Variants in PCED1B observed in about 807,000 individuals in gnomAD.
The protein encoded by PCED1B is PC-esterase domain-containing protein 1B.
For missense variants in PCED1B, 573 were observed against 573.9 expected, an observed-to-expected ratio of 1.00 and a Z score of 0.02; for synonymous variants, 251 against 246.1, an observed-to-expected ratio of 1.02 and a Z score of -0.19.
At chr12:47,233,290 C>T (rs570164585) in intron 3 of PCED1B, among the ~76,000 whole-genome samples, 121 of 152,180 alleles carry the variant, frequency 8.0e-4, no homozygotes, top group African/African-American at 2.7e-3. Flanking sequence ...TTCAGGTGTC[C>T]GCCACCACGC....
chr12:47,155,643 A>G (rs565859687), intron 2 of PCED1B, among the ~76,000 whole-genome samples: 19 of 152,326 alleles, frequency 1.2e-4, no homozygotes, highest in African/African-American at 4.6e-4. Flanking sequence ...ACAAGGCAGG[A>G]AGTTGAGCTC....
chr12:47,225,902 A>G (rs913647513), intron 3 of PCED1B, among the ~76,000 whole-genome samples: 2 of 152,238 alleles, frequency 1.3e-5, no homozygotes, highest in African/African-American at 4.8e-5. Context: ...AAGAAAAGAA[A>G]AATCAACATA....
At chr12:47,101,152 A>G (rs1938689857) in intron 1 of PCED1B, among the ~76,000 whole-genome samples, 1 of 152,082 alleles carries the variant, frequency 6.6e-6, no homozygotes, top group African/African-American at 2.4e-5. Flanking sequence ...TAAATATATC[A>G]CCTAGGATAC....
chr12:47,118,212 A>G (rs1441662622), intron 2 of PCED1B, among the ~76,000 whole-genome samples: 2 of 152,138 alleles, frequency 1.3e-5, no homozygotes, highest in African/African-American at 2.4e-5. Context: ...CCATTTGTCA[A>G]TTTTGGCTTT....
chr12:47,154,034 G>C (rs149505010), intron 2 of PCED1B, among the ~76,000 whole-genome samples: 16 of 152,258 alleles, frequency 1.1e-4, no homozygotes, highest in Admixed American at 3.9e-4. Flanking sequence ...TGCATTTAAC[G>C]TATTACATCA....
chr12:47,151,048 A>G (rs1389687892), intron 2 of PCED1B, among the ~76,000 whole-genome samples: 2 of 151,980 alleles, frequency 1.3e-5, no homozygotes, highest in Non-Finnish European at 2.9e-5. Flanking sequence ...TAGTATTTTG[A>G]CTGTATACTG....
At chr12:47,082,799 G>A (rs1419872912) in intron 1 of PCED1B, among the ~76,000 whole-genome samples, 2 of 152,064 alleles carry the variant, frequency 1.3e-5, no homozygotes, top group South Asian at 2.1e-4. Flanking sequence ...GAAGAGAGAC[G>A]TTTCTGCCAG....
intron 1 of PCED1B, among the ~76,000 whole-genome samples, chr12:47,089,680 A>G (rs1483138320): frequency 1.3e-5 from 2 of 151,668 alleles, no homozygotes; most frequent in Non-Finnish European, 2.9e-5. Context: ...CATTGTCACA[A>G]GAGAGATACG....
At chr12:47,179,981 T>C (rs1391561785) in intron 2 of PCED1B, among the ~76,000 whole-genome samples, 3 of 152,190 alleles carry the variant, frequency 2.0e-5, no homozygotes, top group African/African-American at 7.2e-5. Context: ...GTGCAGGATG[T>C]GCAGGTTTGT....
chr12:47,113,974 A>G (rs549296615), intron 2 of PCED1B, among the ~76,000 whole-genome samples: 245 of 151,730 alleles, frequency 1.6e-3, no homozygotes, highest in African/African-American at 5.6e-3. Flanking sequence ...AAACACACAC[A>G]CACACACACA....
intron 2 of PCED1B, among the ~76,000 whole-genome samples, chr12:47,196,797 C>A (rs1239636127): frequency 6.6e-6 from 1 of 151,754 alleles, no homozygotes; most frequent in African/African-American, 2.4e-5. Flanking sequence ...TGCACTCCAG[C>A]CTGGGCAAAA....
intron 2 of PCED1B, among the ~76,000 whole-genome samples, chr12:47,183,460 T>G (rs1942158974): frequency 6.6e-6 from 1 of 152,202 alleles, no homozygotes; most frequent in African/African-American, 2.4e-5. Flanking sequence ...TATCTCAAAA[T>G]ATGCATGTTC....
chr12:47,097,080 G>A (rs1938511020), intron 1 of PCED1B, among the ~76,000 whole-genome samples: 1 of 152,180 alleles, frequency 6.6e-6, no homozygotes, highest in South Asian at 2.1e-4. Context: ...TGATAAATTA[G>A]GCAAAAAAGC....
intron 1 of PCED1B, among the ~76,000 whole-genome samples, chr12:47,094,960 G>T (rs1938423218): frequency 6.9e-6 from 1 of 145,584 alleles, no homozygotes; most frequent in East Asian, 2.0e-4. Context: ...AAGCTGGAAT[G>T]CAGTGGCGTG....
chr12:47,130,713 A>G (rs1940089294), intron 2 of PCED1B, among the ~76,000 whole-genome samples: 1 of 152,172 alleles, frequency 6.6e-6, no homozygotes, highest in East Asian at 1.9e-4. Context: ...GAAAAATTTC[A>G]TGTCTTTATC....
At position 47,236,112 on chromosome 12, in the gene PCED1B, C is replaced by T. The variant is rs749007819; in HGVS notation, c.1049C>T (p.Ser350Leu). ...TTTTCCTCAGACCATACTTTCCAGTCGGATCAATTCTATTGCCATTCAGAT... is the reference window on the plus strand; with the variant it reads ...TTTTCCTCAGACCATACTTTCCAGTTGGATCAATTCTATTGCCATTCAGAT... ...ACFSSDHTFQSDQFYCHSDVP... is the reference protein window; with the variant it reads ...ACFSSDHTFQLDQFYCHSDVP... The change falls in exon 4 of 4, where the codon TCG (serine) becomes TTG (leucine). Residue 350 changes from serine to leucine, a missense_variant. By Grantham distance (145) the Ser-to-Leu change is moderately radical. Coordinates refer to ENST00000546455, the MANE Select transcript of PCED1B (RefSeq NM_138371.3). The T allele has an allele frequency of 2.5e-6, 4 of 1,614,128 alleles. No homozygotes were observed. Among genetic ancestry groups the T allele is most frequent in the Admixed American group, 1.7e-5 (1 of 60,012 alleles).
intron 3 of PCED1B, among the ~76,000 whole-genome samples, chr12:47,233,678 G>A (rs559682954): frequency 2.8e-4 from 42 of 152,310 alleles, no homozygotes; most frequent in South Asian, 2.1e-4. Flanking sequence ...TTCCCTGGTT[G>A]GGGGAAGGGT....
intron 3 of PCED1B, among the ~76,000 whole-genome samples, chr12:47,233,633 T>A (rs1458093292): frequency 1.3e-5 from 2 of 152,188 alleles, no homozygotes; most frequent in African/African-American, 4.8e-5. Context: ...GTGAAAAGGA[T>A]GATAACCTGT....
intron 2 of PCED1B, among the ~76,000 whole-genome samples, chr12:47,118,772 T>G (rs6650222): frequency 0.095 from 14,528 of 152,178 alleles, 1,226 homozygotes; most frequent in African/African-American, 0.23. Context: ...ATCTATAAAT[T>G]ACCTTGGGCA....
Sources: allele counts gnomAD v4.1 joint callset (sites outside exome capture counted in the v4.1 genomes callset), GRCh38; gene constraint gnomAD v4.1.1; transcripts MANE v1.5; gene names NCBI Gene and HGNC (gene_info 2026-07-23, HGNC 2026-07-21).